DENND6A: variants seen among roughly 807,000 people sequenced by gnomAD.
DENND6A encodes the protein DENN domain containing 6A.
Under a neutral mutation model 95.5 loss-of-function variants are expected in DENND6A, and 43 were observed. The observed-to-expected ratio is 0.45, with a 90% CI of 0.35 to 0.58. The LOEUF (loss-of-function observed/expected upper bound fraction) is 0.58. Among genes scored for constraint, DENND6A ranks in the 20% least tolerant of loss-of-function variants. The pLI, the probability that DENND6A is intolerant of heterozygous loss-of-function variation, is 0.00. For synonymous variants in DENND6A, 257 were observed against 260.4 expected (o/e 0.99, Z 0.13); for missense variants, 574 against 736.0 (o/e 0.78, Z 2.55).
At chr3:57,636,739 C>T (rs1380101255) in intron 12 of DENND6A, among the ~76,000 whole-genome samples, 1 of 151,940 alleles carries the variant, frequency 6.6e-6, no homozygotes, top group East Asian at 1.9e-4. Flanking sequence ...GAGTTCCAGA[C>T]CATCCTGGCC....
chr3:57,669,744 G>A (rs192662120), intron 3 of DENND6A, among the ~76,000 whole-genome samples: 130 of 148,414 alleles, frequency 8.8e-4, no homozygotes, highest in African/African-American at 2.4e-3. Context: ...AAAATCAGCC[G>A]GGTGCAGTGG....
rs1255764968 is a variant in DENND6A at position 57,660,804 on chromosome 3, G to T, written c.655C>A (p.Pro219Thr). The T allele has an allele frequency of 2.5e-6, 4 of 1,609,076 alleles. No individual in the cohort carries two copies. The highest frequency in any genetic ancestry group is 3.4e-6 in the Non-Finnish European group (4 of 1,177,666). The change falls in exon 7 of 20, where the codon CCA (proline) becomes ACA (threonine). Residue 219 changes from proline to threonine, a missense_variant. This residue lies in a region of DENND6A where 452 missense variants were observed against 630.9 expected (regional missense o/e 0.72). Coordinates refer to ENST00000311128, the MANE Select transcript of DENND6A (RefSeq NM_152678.3). ...NDVDRWPAPV[P>T]GKTLHLPIMG... ...ATTGGCAGGTGTAATGTTTTCCCTG[G>T]CACTGGGGCAGGCCATCGATCAACA...
chr3:57,646,821 C>T (rs960264845), intron 9 of DENND6A, among the ~76,000 whole-genome samples: 1 of 152,070 alleles, frequency 6.6e-6, no homozygotes, highest in African/African-American at 2.4e-5. Context: ...ATTAATTTTC[C>T]AAGGGCACTT....
At chr3:57,673,685 G>A (rs1010208037) in intron 1 of DENND6A, among the ~76,000 whole-genome samples, 1 of 152,154 alleles carries the variant, frequency 6.6e-6, no homozygotes, top group Non-Finnish European at 1.5e-5. Context: ...AATATCACAT[G>A]TACCCCATAT....
intron 8 of DENND6A, among the ~76,000 whole-genome samples, chr3:57,658,573 A>G (rs2153415355): frequency 6.6e-6 from 1 of 152,320 alleles, no homozygotes; most frequent in Middle Eastern, 3.4e-3. Context: ...TTAATTTGCA[A>G]CTGTATGAAA....
chr3:57,659,547 GA>G (rs1162739532), intron 7 of DENND6A, among the ~76,000 whole-genome samples: 1 of 152,070 alleles, frequency 6.6e-6, no homozygotes. Flanking sequence ...AATCTCACAG[GA>G]AACAATGAGA....
At chr3:57,677,099 C>T (rs1028835390) in intron 1 of DENND6A, among the ~76,000 whole-genome samples, 1 of 152,212 alleles carries the variant, frequency 6.6e-6, no homozygotes, top group Non-Finnish European at 1.5e-5. Context: ...GTTAGAATTA[C>T]AGGCATGAGC....
Position 57,646,436 on chromosome 3 carries a change from C to T in DENND6A, c.821G>A (p.Cys274Tyr). 2 of 1,612,550 alleles carry T rather than the reference C, an allele frequency of 1.2e-6. No individual in the cohort carries two copies. Among genetic ancestry groups the T allele is most frequent in the Non-Finnish European group, 1.7e-6 (2 of 1,179,548 alleles). ...PTVHEVDIFR[C>Y]FCPVFLHSQM... Reference sequence around the variant, plus strand: ...ACTATGAAGGAAAACTGGGCAGAAACACCTGAAAGGTGATGCACAGTAGAA... The same window carrying T: ...ACTATGAAGGAAAACTGGGCAGAAATACCTGAAAGGTGATGCACAGTAGAA... Residue 274 changes from cysteine (C) to tyrosine (Y), a missense_variant and splice_region_variant, in exon 10 of 20, where the codon TGT becomes TAT. Cys to Tyr is a radical substitution (Grantham distance 194). Around this residue, in one of 2 missense-constraint regions of DENND6A, gnomAD observed 452 missense variants for 630.9 expected, o/e 0.72. Transcript: ENST00000311128.
intron 15 of DENND6A, among the ~76,000 whole-genome samples, chr3:57,632,330 C>CT (rs970388067): frequency 0.022 from 3,277 of 146,502 alleles, 67 homozygotes; most frequent in African/African-American, 0.052. Flanking sequence ...AGTCCATGCT[C>CT]TTTTTTTTTT....
rs570844125 is a variant in DENND6A at position 57,692,938 on chromosome 3, G to C, written c.81C>G (p.Arg27=). 2.6e-5 allele frequency: 40 copies of C among 1,554,922 alleles called. No homozygotes were observed. The South Asian group carries it at 3.6e-4, about 14-fold the overall frequency. Residue 27 remains arginine (R), a synonymous_variant, in exon 1 of 20, where the codon CGC becomes CGG. Coordinates refer to ENST00000311128, the MANE Select transcript of DENND6A (RefSeq NM_152678.3). ...CCGCCGCCACAAGGGCCGGCGCCTC[G>C]CGGCCCTCGGCCCCTGCCACCGCTT... ...LDEAVAGAEG[R]EAPALVAAGG...
At position 57,626,996 on chromosome 3, in the gene DENND6A, T is replaced by C. The variant is rs1463644587; in HGVS notation, c.*1218A>G. 1.3e-5 allele frequency: 2 copies of C among 152,064 alleles called. No homozygotes were observed. Among genetic ancestry groups the C allele is most frequent in the Admixed American group, 1.3e-4 (2 of 15,256 alleles). The allele number at this position is 152,064 out of a possible 1,614,324, so 9.4% of individuals were successfully genotyped here. On this transcript the variant is annotated 3_prime_UTR_variant, in exon 20 of 20. Transcript: ENST00000311128. Reference sequence around the variant, plus strand: ...AATCTTATCATCACTCAAATAAGTATCACATAAAAAACTCATGAATGCCTT... The same window carrying C: ...AATCTTATCATCACTCAAATAAGTACCACATAAAAAACTCATGAATGCCTT...
At chr3:57,646,614 T>C (rs1239679181) in intron 9 of DENND6A, among the ~76,000 whole-genome samples, 176 bp from the exon 10 acceptor site, 3 of 152,224 alleles carry the variant, frequency 2.0e-5, no homozygotes. Context: ...TAAGTCCCTT[T>C]TATCCACATA....
chr3:57,679,945 C>A (rs1347039246), intron 1 of DENND6A, among the ~76,000 whole-genome samples: 3 of 152,104 alleles, frequency 2.0e-5, no homozygotes, highest in African/African-American at 7.2e-5. Context: ...GGGTGCTGAG[C>A]AGGATTATGG....
At chr3:57,669,999 G>A (rs192651672) in intron 3 of DENND6A, among the ~76,000 whole-genome samples, 1 of 113,236 alleles carries the variant, frequency 8.8e-6, no homozygotes, top group African/African-American at 3.5e-5. Context: ...CAGCCTGGGT[G>A]ACAGAGCAAA....
chr3:57,688,319 A>T (rs1239790891), intron 1 of DENND6A, among the ~76,000 whole-genome samples: 1 of 152,006 alleles, frequency 6.6e-6, no homozygotes, highest in Non-Finnish European at 1.5e-5. Flanking sequence ...ATCATCTTAC[A>T]AACTGTTTAT....
rs142318788 is a variant in DENND6A, at chr3:57,666,601, T to C, written c.320-366A>G. ...AACACATATTGTTCAAATCCACTTT[T>C]ATAAAATGTTTTGAAAGCAGGAAAA... On this transcript the variant is annotated intron_variant, in intron 3 of 19. Coordinates refer to ENST00000311128, the MANE Select transcript of DENND6A (RefSeq NM_152678.3). 1.4e-4 allele frequency among the ~76,000 whole-genome samples: 21 copies of C among 152,352 alleles called. No individual in the cohort carries two copies. In the East Asian group the frequency reaches 3.7e-3, roughly 27 times the overall value.
At chr3:57,628,781 A>G in intron 19 of DENND6A, 30 bp downstream of exon 19, 3 of 1,599,920 alleles carry the variant, frequency 1.9e-6, no homozygotes, top group Non-Finnish European at 2.6e-6. Flanking sequence ...AGAAAAGTCA[A>G]TTTAATCTTT....
intron 9 of DENND6A, among the ~76,000 whole-genome samples, chr3:57,651,287 T>C (rs1213889750): frequency 6.6e-6 from 1 of 152,186 alleles, no homozygotes; most frequent in Non-Finnish European, 1.5e-5. Context: ...AACTTACAAT[T>C]TGCAAACTTA....
At chr3:57,663,937 A>G (rs1165575636) in intron 4 of DENND6A, among the ~76,000 whole-genome samples, 1 of 152,220 alleles carries the variant, frequency 6.6e-6, no homozygotes, top group South Asian at 2.1e-4. Context: ...GACATGGTCC[A>G]TATGATGTGT....
Sources: gnomAD v4.1 joint callset for allele counts (sites outside exome capture counted in the v4.1 genomes callset) on GRCh38, gnomAD v4.1.1 for gene constraint, gnomAD v4.1.1 regional missense constraint, MANE v1.5 for transcripts, NCBI Gene and HGNC (gene_info 2026-07-23, HGNC 2026-07-21) for gene names.